ANAPC4: variants seen among roughly 807,000 people sequenced by gnomAD.
ANAPC4 encodes anaphase-promoting complex subunit 4.
Under a neutral mutation model 119.8 loss-of-function variants are expected in ANAPC4, and 63 were observed. The ratio of observed to expected loss-of-function variants is 0.53; its 90% CI spans 0.43 to 0.65. The LOEUF (loss-of-function observed/expected upper bound fraction) is 0.65, where lower values mean the gene tolerates loss of function less well. Ranked by LOEUF, ANAPC4 falls within the 30% of genes least tolerant of loss-of-function variation. The pLI, the probability that ANAPC4 is intolerant of heterozygous loss-of-function variation, is 0.00. For missense variants in ANAPC4, 716 were observed against 945.1 expected (o/e 0.76, Z 3.18); for synonymous variants, 283 against 318.6 (o/e 0.89, Z 1.19).
chr4:25,416,207 C>T lies in ANAPC4; in HGVS notation c.1902-218C>T, dbSNP rs574289850. On this transcript the variant is annotated intron_variant, in intron 26 of 28. Coordinates refer to ENST00000315368, the MANE Select transcript of ANAPC4 (RefSeq NM_013367.3). The stretch of plus-strand genomic sequence containing the variant: ...AACAACTTCACAGATTTTTGGGGGT[C>T]ATGATTACCCATTTTTAAGATTTGG... 4.4e-5 allele frequency: 15 copies of T among 341,242 alleles called. No individual in the cohort carries two copies. The East Asian group carries it at 7.0e-4, about 16-fold the overall frequency. 21.1% of individuals were successfully genotyped at this position (341,242 alleles called of 1,614,324 possible).
chr4:25,408,236 G>A (rs963632959), intron 20 of ANAPC4, among the ~76,000 whole-genome samples: 1 of 152,206 alleles, frequency 6.6e-6, no homozygotes, highest in African/African-American at 2.4e-5. Context: ...ACAAGTGATA[G>A]TATCTTAAAG....
rs535259513 is a variant in ANAPC4 at position 25,403,853 on chromosome 4, A to G, written c.1270+827A>G. Among the ~76,000 whole-genome samples, 6 of 152,328 alleles carry G rather than the reference A, an allele frequency of 3.9e-5. No individual in the cohort carries two copies. In the East Asian group the frequency reaches 1.2e-3, roughly 29 times the overall value. ...TTACAGCCTGTCTTTGTGTCTTCACAATGTCTTTGCATTTGGGCAGGTAGT... is the reference window on the plus strand; with the variant it reads ...TTACAGCCTGTCTTTGTGTCTTCACGATGTCTTTGCATTTGGGCAGGTAGT... On this transcript the variant is annotated intron_variant, in intron 17 of 28. Transcript: ENST00000315368.
chr4:25,408,623 G>A (rs1347718574), intron 20 of ANAPC4, among the ~76,000 whole-genome samples: 2 of 150,638 alleles, frequency 1.3e-5, no homozygotes, highest in Non-Finnish European at 1.5e-5. Context: ...TCTCGGACTC[G>A]CCTCTTGTAG....
intron 4 of ANAPC4, among the ~76,000 whole-genome samples, chr4:25,385,443 G>A (rs993460618): frequency 7.2e-5 from 11 of 152,096 alleles, no homozygotes; most frequent in African/African-American, 1.2e-4. Context: ...AACTTGTTGC[G>A]GCTTTCTCTC....
At position 25,380,385 on chromosome 4, in the gene ANAPC4, T is replaced by C. The variant is rs754670587; in HGVS notation, c.141T>C (p.His47=). The C allele has an allele frequency of 1.2e-6, 2 of 1,612,566 alleles. No individual in the cohort carries two copies. Among genetic ancestry groups the C allele is most frequent in the Admixed American group, 3.3e-5 (2 of 59,838 alleles). ...LANTAGEVLL[H]RLASFHRVWS... ...CTGCTTTGTCTTAGGTTTTACTTCA[T>C]CGACTGGCAAGTTTTCATCGAGTTT... The change falls in exon 3 of 29, where the codon CAT becomes CAC. Residue 47 remains histidine (H), a synonymous_variant. Coordinates refer to ENST00000315368, the MANE Select transcript of ANAPC4 (RefSeq NM_013367.3).
intron 21 of ANAPC4, 74 bp from the exon 22 acceptor site, chr4:25,413,571 G>A: frequency 8.7e-7 from 1 of 1,144,358 alleles, no homozygotes; most frequent in African/African-American, 1.6e-5. Flanking sequence ...GGCTCTAACA[G>A]TAGATTATTT....
rs567400863 is a variant in ANAPC4 at position 25,377,305 on chromosome 4, C to T, written c.-50C>T. The T allele has an allele frequency of 7.4e-6, 10 of 1,353,662 alleles. No individual in the cohort carries two copies. The highest frequency in any genetic ancestry group is 1.4e-5 in the South Asian group (1 of 70,688). 83.9% of individuals were successfully genotyped at this position (1,353,662 alleles called of 1,614,324 possible). A position where few individuals can be genotyped will look rare whatever the true frequency, so the allele number is the denominator to read the frequency against. ...CGGCCGGCAGAGGGAGGGGAGAGGC[C>T]ACTGGGGCCGTGTTAGTCTGCCGGT... On this transcript the variant is annotated 5_prime_UTR_variant, in exon 1 of 29. Coordinates refer to ENST00000315368, the MANE Select transcript of ANAPC4 (RefSeq NM_013367.3).
chr4:25,417,454 A>G (rs531169935), intron 27 of ANAPC4, 162 bp from the exon 28 acceptor site: 7 of 698,854 alleles, frequency 1.0e-5, no homozygotes, highest in African/African-American at 3.7e-5. Context: ...ATAGAATATT[A>G]TATCACAGCT....
intron 14 of ANAPC4, 122 bp from the exon 15 acceptor site, chr4:25,396,542 T>C: frequency 1.3e-6 from 1 of 751,524 alleles, no homozygotes; most frequent in African/African-American, 1.8e-5. Flanking sequence ...AATAATTATT[T>C]CTCATGGAAA....
In ANAPC4 at chr4:25,405,057, A is replaced by G. The variant is rs1459034490; in HGVS notation, c.1271-516A>G. On this transcript the variant is annotated intron_variant, in intron 17 of 28. Transcript: ENST00000315368. This position sits in a 1 kb window ranked among gnomAD's most constrained non-coding sequence, Gnocchi z 4.6. ...CTTGACTTAGGTGGAACGTAATACAAAACACATAGTACTGATGAGGACAAT... is the reference window on the plus strand; with the variant it reads ...CTTGACTTAGGTGGAACGTAATACAGAACACATAGTACTGATGAGGACAAT... Among the ~76,000 whole-genome samples the G allele has an allele frequency of 6.6e-6, 1 of 151,744 alleles. No individual in the cohort carries two copies. Among genetic ancestry groups the G allele is most frequent in the Non-Finnish European group, 1.5e-5 (1 of 67,976 alleles).
chr4:25,415,945 G>A (rs920738356), intron 26 of ANAPC4: 6 of 169,724 alleles, frequency 3.5e-5, no homozygotes, highest in Non-Finnish European at 7.5e-5. Flanking sequence ...CTGAGGCTTC[G>A]CAAGGGAAAG....
chr4:25,403,085 T>C (rs1723066743), intron 17 of ANAPC4, 59 bp downstream of exon 17: 3 of 1,237,122 alleles, frequency 2.4e-6, no homozygotes, highest in Non-Finnish European at 3.5e-6. Context: ...ATAGGAGTAT[T>C]ATCTTAGACT....
At chr4:25,398,808 C>T (rs1722794087) in intron 16 of ANAPC4, among the ~76,000 whole-genome samples, 1 of 151,730 alleles carries the variant, frequency 6.6e-6, no homozygotes, top group African/African-American at 2.4e-5. Context: ...TTTCTCAATG[C>T]TTATCTGTAG....
At chr4:25,408,708 A>C (rs1723405990) in intron 20 of ANAPC4, among the ~76,000 whole-genome samples, 1 of 152,054 alleles carries the variant, frequency 6.6e-6, no homozygotes, top group South Asian at 2.1e-4. Context: ...CATGTTGCCC[A>C]GGCTGGTCTT....
intron 8 of ANAPC4, 40 bp from the exon 9 acceptor site, chr4:25,390,871 A>G (rs1191613778): frequency 6.8e-7 from 1 of 1,469,228 alleles, no homozygotes; most frequent in South Asian, 1.2e-5. Context: ...TCAACCTAGC[A>G]GTGATACTAA....
intron 4 of ANAPC4, among the ~76,000 whole-genome samples, chr4:25,385,570 A>C (rs1280123314): frequency 6.6e-6 from 1 of 152,232 alleles, no homozygotes; most frequent in Non-Finnish European, 1.5e-5. Flanking sequence ...CCATATCAGC[A>C]GTAAGGCTGT....
chr4:25,381,987 A>T (rs1053613364), intron 3 of ANAPC4, among the ~76,000 whole-genome samples: 1 of 152,218 alleles, frequency 6.6e-6, no homozygotes, highest in African/African-American at 2.4e-5. Flanking sequence ...TAGAGATGAC[A>T]GTTGTTTCTG....
intron 20 of ANAPC4, among the ~76,000 whole-genome samples, chr4:25,408,755 T>C (rs1190035760): frequency 6.6e-6 from 1 of 151,980 alleles, no homozygotes; most frequent in Non-Finnish European, 1.5e-5. Context: ...TGCCATGGCC[T>C]CCTAAAGTGC....
At chr4:25,388,778 A>C in intron 6 of ANAPC4, 35 bp downstream of exon 6, 1 of 1,604,804 alleles carries the variant, frequency 6.2e-7, no homozygotes, top group Middle Eastern at 1.7e-4. Context: ...CAAGTAAGAT[A>C]ATCTGCTATT....
Sources: gnomAD v4.1 joint callset for allele counts (sites outside exome capture counted in the v4.1 genomes callset) on GRCh38, gnomAD v4.1.1 for gene constraint, Gnocchi (gnomAD v3.1) non-coding constraint, MANE v1.5 for transcripts, NCBI Gene and HGNC (gene_info 2026-07-23, HGNC 2026-07-21) for gene names.